NDUFS4: variants seen among roughly 807,000 people sequenced by gnomAD.
The protein encoded by NDUFS4 is NADH dehydrogenase [ubiquinone] iron-sulfur protein 4, mitochondrial.
Under a neutral mutation model 24.3 loss-of-function variants are expected in NDUFS4, and 28 were observed. The observed-to-expected ratio is 1.15, with a 90% CI of 0.85 to 1.58. The LOEUF (loss-of-function observed/expected upper bound fraction) is 1.58. Ranked by LOEUF, NDUFS4 falls within the 40% of genes most tolerant of loss-of-function variation. NDUFS4 has a pLI of 0.00. For missense variants in NDUFS4, 223 were observed against 207.9 expected, an observed-to-expected ratio of 1.07 and a Z score of -0.45; for synonymous variants, 93 against 69.7, an observed-to-expected ratio of 1.34 and a Z score of -1.67.
intron 1 of NDUFS4, among the ~76,000 whole-genome samples, chr5:53,576,994 G>A (rs1197085280): frequency 6.6e-6 from 1 of 152,038 alleles, no homozygotes; most frequent in East Asian, 1.9e-4. Context: ...CTCATTTCTC[G>A]GGGTTTGTGT....
intron 1 of NDUFS4, among the ~76,000 whole-genome samples, chr5:53,587,831 A>G (rs1297433156): frequency 6.6e-6 from 1 of 152,152 alleles, no homozygotes; most frequent in African/African-American, 2.4e-5. Flanking sequence ...CACCGGCCTC[A>G]GTCTCCCAAA....
intron 4 of NDUFS4, among the ~76,000 whole-genome samples, chr5:53,679,069 TC>T (rs1740569161): frequency 6.6e-6 from 1 of 152,258 alleles, no homozygotes; most frequent in African/African-American, 2.4e-5. Flanking sequence ...AGAAAAGTTT[TC>T]TGAATAATGA....
intron 2 of NDUFS4, among the ~76,000 whole-genome samples, chr5:53,612,012 A>C (rs550353317): frequency 1.1e-3 from 163 of 152,216 alleles, no homozygotes; most frequent in African/African-American, 3.8e-3. Flanking sequence ...CATTTTTTAC[A>C]CACTGATTCC....
rs796960315 is a variant in NDUFS4, at chr5:53,572,957, G to GTT, written c.98+12208_98+12209dup. 2.5e-4 allele frequency among the ~76,000 whole-genome samples: 26 copies of GTT among 103,318 alleles called. 1 individual carries two copies. Among genetic ancestry groups the GTT allele is most frequent in the East Asian group, 5.2e-4 (2 of 3,810 alleles). The allele number at this position is 103,318 out of a possible 152,430, so 67.8% of individuals were successfully genotyped here. Reference sequence around the variant, plus strand: ...CCGTGCCTGGCCTTTGTTGTTTTTTGTTTTTTTTTTTTGTTTTTTTTTTTT... The same window carrying GTT: ...CCGTGCCTGGCCTTTGTTGTTTTTTGTTTTTTTTTTTTTTGTTTTTTTTTTTT... On this transcript the variant is annotated intron_variant, in intron 1 of 4. Transcript: ENST00000296684.
intron 4 of NDUFS4, among the ~76,000 whole-genome samples, chr5:53,681,662 A>C (rs1286615707): frequency 6.6e-6 from 1 of 152,092 alleles, no homozygotes; most frequent in South Asian, 2.1e-4. Flanking sequence ...AAGTAAATTA[A>C]TATTTTCTCT....
At chr5:53,623,374 G>T (rs1426868136) in intron 2 of NDUFS4, among the ~76,000 whole-genome samples, 2 of 152,138 alleles carry the variant, frequency 1.3e-5, no homozygotes, top group African/African-American at 4.8e-5. Context: ...AATTAGTGAT[G>T]TTGAGCATCT....
chr5:53,607,949 A>C (rs544306192), intron 2 of NDUFS4, among the ~76,000 whole-genome samples: 7 of 152,150 alleles, frequency 4.6e-5, no homozygotes, highest in Non-Finnish European at 1.0e-4. Context: ...AAATCTTTAT[A>C]TTATTACATA....
At chr5:53,678,900 T>C (rs1378197605) in intron 4 of NDUFS4, among the ~76,000 whole-genome samples, 1 of 152,162 alleles carries the variant, frequency 6.6e-6, no homozygotes, top group Non-Finnish European at 1.5e-5. Flanking sequence ...CCCTGTTTGC[T>C]CAAGTAACCT....
intron 2 of NDUFS4, among the ~76,000 whole-genome samples, chr5:53,624,126 A>C (rs1258638789): frequency 6.6e-6 from 1 of 152,162 alleles, no homozygotes; most frequent in Non-Finnish European, 1.5e-5. Flanking sequence ...GGTGCTTTCC[A>C]CATCAAATGG....
chr5:53,573,884 A>G (rs1008039039), intron 1 of NDUFS4, among the ~76,000 whole-genome samples: 1 of 152,322 alleles, frequency 6.6e-6, no homozygotes, highest in East Asian at 1.9e-4. Context: ...GAGTTATTGC[A>G]TCCAGCCTAA....
intron 1 of NDUFS4, among the ~76,000 whole-genome samples, chr5:53,582,554 G>A (rs373812657): frequency 9.4e-4 from 143 of 152,306 alleles, no homozygotes; most frequent in African/African-American, 3.2e-3. Flanking sequence ...AGGAGAATGT[G>A]CAAACTCCAC....
chr5:53,623,240 C>T (rs1451087457), intron 2 of NDUFS4, among the ~76,000 whole-genome samples: 2 of 152,196 alleles, frequency 1.3e-5, no homozygotes, highest in Admixed American at 6.5e-5. Context: ...CACAGCAATA[C>T]ACAAAGGTTC....
intron 4 of NDUFS4, among the ~76,000 whole-genome samples, chr5:53,660,052 T>G (rs1752286457): frequency 6.6e-6 from 1 of 152,030 alleles, no homozygotes; most frequent in African/African-American, 2.4e-5. Flanking sequence ...ACATGCAGGT[T>G]TGCTACACAT....
intron 2 of NDUFS4, among the ~76,000 whole-genome samples, chr5:53,627,440 G>C (rs1751265129): frequency 6.6e-6 from 1 of 152,106 alleles, no homozygotes; most frequent in African/African-American, 2.4e-5. Context: ...ACCTTGATGG[G>C]TATAGCATTG....
At chr5:53,655,232 G>A (rs1458002754) in intron 3 of NDUFS4, among the ~76,000 whole-genome samples, 1 of 152,124 alleles carries the variant, frequency 6.6e-6, no homozygotes, top group East Asian at 1.9e-4. Context: ...ACATGCATGT[G>A]AGTAGTACCC....
In NDUFS4 at chr5:53,646,029, C is replaced by T. The variant is rs16881590; in HGVS notation, c.178-204C>T. 0.017 allele frequency among the ~76,000 whole-genome samples: 2,646 copies of T among 152,176 alleles called. 78 individuals carry two copies. The highest frequency in any genetic ancestry group is 0.06 in the African/African-American group (2,496 of 41,492). ...CGATCCTTTTCCACTGTCTCCACTA[C>T]GTCCCCCTAAATAAACCATTTACAG... On this transcript the variant is annotated intron_variant, in intron 2 of 4. Transcript: ENST00000296684.
intron 2 of NDUFS4, chr5:53,604,818 TC>T (rs1750447515): frequency 4.4e-6 from 2 of 456,156 alleles, no homozygotes; most frequent in Non-Finnish European, 8.8e-6. Context: ...CATTTGGAGT[TC>T]CTGTTCACTC....
intron 4 of NDUFS4, among the ~76,000 whole-genome samples, chr5:53,659,437 A>T (rs1484438921): frequency 6.6e-6 from 1 of 152,186 alleles, no homozygotes; most frequent in Non-Finnish European, 1.5e-5. Context: ...TACCTACCTC[A>T]TGAAGTGGGT....
At chr5:53,597,434 A>G (rs1750164880) in intron 1 of NDUFS4, among the ~76,000 whole-genome samples, 1 of 152,174 alleles carries the variant, frequency 6.6e-6, no homozygotes, top group Non-Finnish European at 1.5e-5. Flanking sequence ...AGAAATTTGG[A>G]GTCACAGTTT....
Sources: allele counts gnomAD v4.1 joint callset (sites outside exome capture counted in the v4.1 genomes callset), GRCh38; gene constraint gnomAD v4.1.1; transcripts MANE v1.5; gene names NCBI Gene and HGNC (gene_info 2026-07-23, HGNC 2026-07-21).